Variants in DCAF6 observed in about 807,000 individuals in gnomAD.
The protein encoded by DCAF6 is DDB1 and CUL4 associated factor 6, also known as DDB1- and CUL4-associated factor 6.
DCAF6 carries 54 observed loss-of-function variants against 125.1 expected under a neutral mutation model. The ratio of observed to expected loss-of-function variants is 0.43; its 90% CI spans 0.35 to 0.54. The LOEUF is 0.54. DCAF6 is among the 20% of genes least tolerant of loss of function. The probability of loss-of-function intolerance (pLI) is 0.01; values close to 1 mark genes in which losing one functional copy is unlikely to be tolerated. For missense variants in DCAF6, 934 were observed against 1,161.7 expected (o/e 0.80, Z 2.85); for synonymous variants, 371 against 390.4 (o/e 0.95, Z 0.58).
chr1:167,865,972 TC>T, the DCAF6 span, among the ~76,000 whole-genome samples: 1 of 152,212 alleles, frequency 6.6e-6, no homozygotes, highest in Non-Finnish European at 1.5e-5. Flanking sequence ...CCATCCAGCC[TC>T]CGTCTCCCAA....
intron 13 of DCAF6, among the ~76,000 whole-genome samples, chr1:168,041,158 C>T (rs1558016305): frequency 6.6e-6 from 1 of 152,030 alleles, no homozygotes; most frequent in Non-Finnish European, 1.5e-5. Flanking sequence ...AAGTACGTAG[C>T]ACTTACTAGC....
At chr1:167,881,200 G>A in the DCAF6 span, among the ~76,000 whole-genome samples, 1 of 152,106 alleles carries the variant, frequency 6.6e-6, no homozygotes, top group Non-Finnish European at 1.5e-5. Flanking sequence ...CTGTAAGTAG[G>A]TTTTCTTATC....
chr1:167,883,297 C>T, the DCAF6 span: 1 of 915,138 alleles, frequency 1.1e-6, no homozygotes, highest in Non-Finnish European at 1.8e-6. Context: ...CTCTGCCTCC[C>T]AAAGAGCTGG....
intron 10 of DCAF6, among the ~76,000 whole-genome samples, chr1:168,009,539 C>T (rs920424987): frequency 1.4e-5 from 2 of 142,676 alleles, no homozygotes; most frequent in African/African-American, 5.2e-5. Context: ...CCCTTCTTTC[C>T]TTCTCCTCTT....
the DCAF6 span, chr1:167,918,124 T>G: frequency 4.4e-6 from 2 of 452,290 alleles, no homozygotes; most frequent in Non-Finnish European, 7.8e-6. Context: ...GTTACTAATA[T>G]CCATAGATAA....
At chr1:167,975,926 G>A (rs1678081562) in intron 4 of DCAF6, among the ~76,000 whole-genome samples, 1 of 151,998 alleles carries the variant, frequency 6.6e-6, no homozygotes, top group Admixed American at 6.5e-5. Flanking sequence ...CATTTTTTGT[G>A]TTAAACTGGT....
At chr1:167,880,215 G>T in the DCAF6 span, 7 of 1,593,474 alleles carry the variant, frequency 4.4e-6, no homozygotes, top group East Asian at 1.3e-4. Context: ...GACAAGATTT[G>T]TGGGGAAAGA....
At chr1:167,938,209 C>A (rs893143955) in intron 1 of DCAF6, among the ~76,000 whole-genome samples, 9 of 152,104 alleles carry the variant, frequency 5.9e-5, no homozygotes, top group Admixed American at 2.6e-4. Context: ...TTCTTCCAGA[C>A]CTTTTTGTTT....
the DCAF6 span, among the ~76,000 whole-genome samples, chr1:167,891,612 C>A: frequency 6.7e-6 from 1 of 149,342 alleles, no homozygotes; most frequent in African/African-American, 2.5e-5. Context: ...GCCAAGATTG[C>A]GCCACTGCAC....
intron 2 of DCAF6, among the ~76,000 whole-genome samples, chr1:167,952,171 T>A (rs1674058303): frequency 6.6e-6 from 1 of 152,000 alleles, no homozygotes; most frequent in Non-Finnish European, 1.5e-5. Flanking sequence ...CTCAAACATA[T>A]CCTCTTTTTT....
At chr1:167,920,192 G>T in the DCAF6 span, 3 of 733,426 alleles carry the variant, frequency 4.1e-6, no homozygotes, top group Non-Finnish European at 4.5e-6. Context: ...AATGTAGGAT[G>T]AGGGACAAAG....
the DCAF6 span, among the ~76,000 whole-genome samples, chr1:167,873,318 A>G: frequency 1.3e-5 from 2 of 152,214 alleles, no homozygotes; most frequent in African/African-American, 4.8e-5. Flanking sequence ...ACCTGAAAGC[A>G]GTGAAAGTGA....
At chr1:168,022,786 T>C (rs572992541) in intron 11 of DCAF6, among the ~76,000 whole-genome samples, 5 of 152,344 alleles carry the variant, frequency 3.3e-5, no homozygotes, top group African/African-American at 9.6e-5. Flanking sequence ...CTCAACTCAT[T>C]CTCAAAGTTA....
At chr1:167,925,442 C>CGTATATATATATATATAT in the DCAF6 span, among the ~76,000 whole-genome samples, 9 of 82,468 alleles carry the variant, frequency 1.1e-4, no homozygotes, top group Admixed American at 1.3e-4. Context: ...TACATATACA[C>CGTATATATATATATATAT]ATATATATAT....
the DCAF6 span, among the ~76,000 whole-genome samples, chr1:167,871,395 C>A: frequency 6.6e-6 from 1 of 152,118 alleles, no homozygotes; most frequent in Non-Finnish European, 1.5e-5. Context: ...CTAACATATG[C>A]TTGCTGTAGA....
At chr1:167,953,078 G>A (rs1006609303) in intron 2 of DCAF6, among the ~76,000 whole-genome samples, 2 of 152,086 alleles carry the variant, frequency 1.3e-5, no homozygotes, top group Admixed American at 6.5e-5. Context: ...TAACCAAAAT[G>A]CCATTAGGTA....
intron 10 of DCAF6, among the ~76,000 whole-genome samples, chr1:168,006,009 G>A (rs1683280485): frequency 1.3e-5 from 2 of 152,076 alleles, no homozygotes; most frequent in South Asian, 4.1e-4. Context: ...GTAAAATTGG[G>A]AAAAGCAAGA....
chr1:168,053,363 A>G (rs1690198010), intron 17 of DCAF6, among the ~76,000 whole-genome samples: 1 of 152,196 alleles, frequency 6.6e-6, no homozygotes, highest in Non-Finnish European at 1.5e-5. Flanking sequence ...ATTTTTATTC[A>G]TATCTCCCTG....
At chr1:167,953,825 CT>C (rs1231839952) in intron 2 of DCAF6, among the ~76,000 whole-genome samples, 2 of 152,170 alleles carry the variant, frequency 1.3e-5, no homozygotes, top group African/African-American at 4.8e-5. Context: ...TCTTGAACTC[CT>C]GGCCTCAGGT....
Sources: allele counts gnomAD v4.1 joint callset (sites outside exome capture counted in the v4.1 genomes callset), GRCh38; gene constraint gnomAD v4.1.1; transcripts MANE v1.5; gene names NCBI Gene and HGNC (gene_info 2026-07-23, HGNC 2026-07-21).